The following PROS1 variants were observed in gnomAD, a reference collection of about 807,000 sequenced individuals.
PROS1 encodes the protein protein S.
A neutral mutation model predicts 75.9 loss-of-function variants in PROS1; 29 were observed. The observed-to-expected ratio is 0.38, with a 90% CI of 0.28 to 0.52. The LOEUF (loss-of-function observed/expected upper bound fraction) is 0.52, where lower values mean the gene tolerates loss of function less well. PROS1 is among the 20% of genes least tolerant of loss of function. The probability of loss-of-function intolerance (pLI) is 0.83; values close to 1 mark genes in which losing one functional copy is unlikely to be tolerated. For synonymous variants in PROS1, 245 were observed against 280.6 expected, an observed-to-expected ratio of 0.87 and a Z score of 1.27; for missense variants, 680 against 810.3, an observed-to-expected ratio of 0.84 and a Z score of 1.95.
chr3:93,902,840 T>A (rs1253541602), intron 6 of PROS1, among the ~76,000 whole-genome samples: 10 of 152,166 alleles, frequency 6.6e-5, no homozygotes. Flanking sequence ...CCCAACCATT[T>A]CTACATCTTG....
chr3:93,876,943 C>G, intron 14 of PROS1, 23 bp downstream of exon 14: 1 of 1,461,528 alleles, frequency 6.8e-7, no homozygotes, highest in Non-Finnish European at 9.6e-7. Context: ...CTTTTTAAAA[C>G]TGAAGAAAAA....
intron 10 of PROS1, among the ~76,000 whole-genome samples, chr3:93,887,063 C>A (rs1310858654): frequency 1.3e-5 from 2 of 151,374 alleles, no homozygotes; most frequent in Non-Finnish European, 3.0e-5. Flanking sequence ...GGACTACAGG[C>A]GCCCGCCACT....
intron 10 of PROS1, among the ~76,000 whole-genome samples, chr3:93,887,475 T>C (rs1708366432): frequency 1.3e-5 from 2 of 152,134 alleles, no homozygotes; most frequent in African/African-American, 4.8e-5. Context: ...AGTAAAACTA[T>C]AGCACTCAAA....
chr3:93,939,169 A>C (rs760794183), intron 1 of PROS1, among the ~76,000 whole-genome samples: 3 of 152,176 alleles, frequency 2.0e-5, no homozygotes, highest in Admixed American at 6.5e-5. Flanking sequence ...CCAAATAGCC[A>C]GAAAATCCAC....
chr3:93,962,828 G>A lies in PROS1; in HGVS notation c.76+10846C>T, dbSNP rs552879367. Among the ~76,000 whole-genome samples, 8 of 152,340 alleles carry A rather than the reference G, an allele frequency of 5.3e-5. No homozygotes were observed. The South Asian group carries it at 1.7e-3, about 32-fold the overall frequency. On this transcript the variant is annotated intron_variant, in intron 1 of 14. Transcript: ENST00000394236. ...AAGTGAGAGAAGTTGTTATGTACCT[G>A]AGTGTCCATCACTAAGGTAGAAGAA... is the stretch of plus-strand genomic sequence containing the variant.
chr3:93,876,460 G>A (rs1708188534), intron 14 of PROS1, among the ~76,000 whole-genome samples: 1 of 151,756 alleles, frequency 6.6e-6, no homozygotes, highest in Non-Finnish European at 1.5e-5. Flanking sequence ...GTGGTGGCGG[G>A]CACCTGTAGT....
At chr3:93,874,520 A>G (rs1708155513) in intron 14 of PROS1, 115 bp from the exon 15 acceptor site, 2 of 1,372,402 alleles carry the variant, frequency 1.5e-6, no homozygotes, top group Non-Finnish European at 2.0e-6. Context: ...CCTAAAGGAA[A>G]AGTTAATAGT....
At position 93,877,147 on chromosome 3, in the gene PROS1, C is replaced by T; in HGVS notation, c.1689G>A (p.Gln563=). ...SVENTVIYRI[Q]ALSLCSDQQS... ...GTTGATCGGAACATAGACTTAGGGC[C>T]TGTATCCGATATATTACAGTATTTT... Residue 563 remains glutamine (Q), a synonymous_variant, in exon 14 of 15, where the codon CAG becomes CAA. Transcript: ENST00000394236. 1 of 1,611,220 alleles carries T rather than the reference C, an allele frequency of 6.2e-7. No homozygotes were observed. The highest frequency in any genetic ancestry group is 2.2e-5 in the East Asian group (1 of 44,836).
At chr3:93,928,129 A>C (rs1709055409) in intron 1 of PROS1, among the ~76,000 whole-genome samples, 1 of 143,730 alleles carries the variant, frequency 7.0e-6, no homozygotes, top group Non-Finnish European at 1.5e-5. Context: ...ATTCTCCTGC[A>C]TCAGCCTCCT....
chr3:93,929,185 G>A (rs1709069693), intron 1 of PROS1, among the ~76,000 whole-genome samples: 1 of 152,162 alleles, frequency 6.6e-6, no homozygotes, highest in East Asian at 1.9e-4. Flanking sequence ...TATCTATCAA[G>A]AGGGGCACAG....
At chr3:93,957,655 A>G (rs1709625497) in intron 1 of PROS1, among the ~76,000 whole-genome samples, 1 of 152,238 alleles carries the variant, frequency 6.6e-6, no homozygotes, top group South Asian at 2.1e-4. Context: ...ATATCAAAAC[A>G]CTACATTGTA....
intron 2 of PROS1, among the ~76,000 whole-genome samples, chr3:93,926,714 C>A (rs772394755): frequency 1.3e-5 from 2 of 152,240 alleles, no homozygotes; most frequent in East Asian, 3.8e-4. Context: ...TGCATGCGTG[C>A]GCGCGCACAC....
At chr3:93,961,133 C>G (rs1709700842) in intron 1 of PROS1, among the ~76,000 whole-genome samples, 1 of 152,084 alleles carries the variant, frequency 6.6e-6, no homozygotes, top group African/African-American at 2.4e-5. Flanking sequence ...GATAGATCAC[C>G]TGGCATGACT....
chr3:93,973,596 A>C (rs1709914920), intron 1 of PROS1, 78 bp downstream of exon 1: 1 of 1,481,920 alleles, frequency 6.7e-7, no homozygotes, highest in East Asian at 2.3e-5. Context: ...GCTCTAGAGA[A>C]GAAAATCCTA....
At position 93,902,203 on chromosome 3, in the gene PROS1, G is replaced by A. The variant is rs866662997; in HGVS notation, c.602-1274C>T. 3.9e-5 allele frequency among the ~76,000 whole-genome samples: 6 copies of A among 151,998 alleles called. No homozygotes were observed. In the South Asian group the frequency reaches 1.0e-3, roughly 26 times the overall value. On this transcript the variant is annotated intron_variant, in intron 6 of 14. Coordinates refer to ENST00000394236, the MANE Select transcript of PROS1 (RefSeq NM_000313.4). ...GTGTTCTTGTTACTAAGGAGGATAAGGCAAGAGGATCACTTGAACCCAGAA... is the reference window on the plus strand; with the variant it reads ...GTGTTCTTGTTACTAAGGAGGATAAAGCAAGAGGATCACTTGAACCCAGAA...
chr3:93,906,035 T>C lies in PROS1; in HGVS notation c.455A>G (p.Glu152Gly). 1.9e-6 allele frequency: 3 copies of C among 1,614,112 alleles called. No individual in the cohort carries two copies. The highest frequency in any genetic ancestry group is 2.7e-5 in the African/African-American group (2 of 75,024). ...TCTCKPGWQG[E>G]KCEFDINECK... is the part of the protein sequence containing the mutation. ...ATTATACGTACCAAATTCACACTTT[T>C]CTCCTTGCCAACCTGGTTTACAAGT... Residue 152 changes from glutamate (E) to glycine (G), a missense_variant, in exon 5 of 15, where the codon GAA becomes GGA. Transcript: ENST00000394236.
chr3:93,933,077 G>T (rs1284604214), intron 1 of PROS1, among the ~76,000 whole-genome samples: 1 of 152,012 alleles, frequency 6.6e-6, no homozygotes, highest in African/African-American at 2.4e-5. Context: ...ATGAAAAATT[G>T]CCCTTGAAAG....
intron 2 of PROS1, among the ~76,000 whole-genome samples, chr3:93,926,739 G>A (rs539831856): frequency 2.0e-5 from 3 of 152,298 alleles, no homozygotes; most frequent in Admixed American, 6.5e-5. Context: ...ACACACACAC[G>A]TTAATACTTC....
At position 93,955,462 on chromosome 3, in the gene PROS1, A is replaced by C. The variant is rs113142656; in HGVS notation, c.76+18212T>G. On this transcript the variant is annotated intron_variant, in intron 1 of 14. Transcript: ENST00000394236. ...GAAGCTGGAAACCATCATTCTCAGCAAACTATTGCAAGGACAGAAAACCAA... is the reference window on the plus strand; with the variant it reads ...GAAGCTGGAAACCATCATTCTCAGCCAACTATTGCAAGGACAGAAAACCAA... 1.8e-3 allele frequency among the ~76,000 whole-genome samples: 271 copies of C among 152,318 alleles called. 1 individual carries two copies. In the Middle Eastern group the frequency reaches 0.02, roughly 11 times the overall value.
Sources: gnomAD v4.1 joint callset for allele counts (sites outside exome capture counted in the v4.1 genomes callset) on GRCh38, gnomAD v4.1.1 for gene constraint, MANE v1.5 for transcripts, NCBI Gene and HGNC (gene_info 2026-07-23, HGNC 2026-07-21) for gene names.